The following FRAS1 variants were observed in gnomAD, a reference collection of about 807,000 sequenced individuals.
FRAS1 encodes the protein extracellular matrix organizing protein FRAS1.
FRAS1 carries 290 observed loss-of-function variants against 435.2 expected under a neutral mutation model. The observed-to-expected ratio is 0.67, with a 90% CI of 0.61 to 0.73. FRAS1 has a LOEUF of 0.73. Ranked by LOEUF, FRAS1 falls within the 30% of genes least tolerant of loss-of-function variation. The probability of loss-of-function intolerance (pLI) is 0.00; values close to 1 mark genes in which losing one functional copy is unlikely to be tolerated. For synonymous variants in FRAS1, 1,800 were observed against 1,851.0 expected, an observed-to-expected ratio of 0.97 and a Z score of 0.71; for missense variants, 4,860 against 5,001.5, an observed-to-expected ratio of 0.97 and a Z score of 0.85.
chr4:78,369,917 T>C lies in FRAS1; in HGVS notation c.2802T>C (p.Phe934=). ...SCRDPNKVLL[F]GECQYESCAP... ...GAGATCCAAACAAGGTTCTGCTCTT[T>C]GGGGAATGTCAATACGAGAGCTGCG... The change falls in exon 23 of 74, where the codon TTT becomes TTC. Residue 934 remains phenylalanine (F), a synonymous_variant. Transcript: ENST00000512123. 6.2e-7 allele frequency: 1 copy of C among 1,613,924 alleles called. No individual in the cohort carries two copies. Among genetic ancestry groups the C allele is most frequent in the East Asian group, 2.2e-5 (1 of 44,890 alleles).
At position 78,198,229 on chromosome 4, in the gene FRAS1, TC is replaced by T. The variant is rs1420373503; in HGVS notation, c.109-39275del. On this transcript the variant is annotated intron_variant, in intron 2 of 73. Transcript: ENST00000512123. ...GGCTTACAAGTGTAGGAGGAGTGAG[TC>T]CCCCCTGACAGCCTTCAGTCAGTAA... Among the ~76,000 whole-genome samples the T allele has an allele frequency of 3.3e-5, 5 of 151,826 alleles. No individual in the cohort carries two copies. The East Asian group carries it at 9.7e-4, about 29-fold the overall frequency.
intron 44 of FRAS1, among the ~76,000 whole-genome samples, chr4:78,448,577 T>G (rs1718926296): frequency 6.6e-6 from 1 of 152,168 alleles, no homozygotes; most frequent in Non-Finnish European, 1.5e-5. Context: ...GTTTATAATA[T>G]TTCCAGGGCC....
rs567927592 is a variant in FRAS1 at position 78,320,498 on chromosome 4, G to A, written c.2137+1512G>A. Among the ~76,000 whole-genome samples, 9 of 152,248 alleles carry A rather than the reference G, an allele frequency of 5.9e-5. No homozygotes were observed. The East Asian group carries it at 1.7e-3, about 29-fold the overall frequency. ...ATTGCTTCTCCATTCTCTTCCGTGG[G>A]TTTAGGTTTGCCAGACAAGCTTCCT... On this transcript the variant is annotated intron_variant, in intron 18 of 73. Coordinates refer to ENST00000512123, the MANE Select transcript of FRAS1 (RefSeq NM_025074.7).
Position 78,246,653 on chromosome 4 carries a change from T to C in FRAS1, c.309+1328T>C, listed in dbSNP as rs909367356. The stretch of plus-strand genomic sequence containing the variant: ...GCCAGTTCCGAATGATTATGATAAG[T>C]GCATGGTTCAAGGTGAATGATAAGT... On this transcript the variant is annotated intron_variant, in intron 4 of 73. Coordinates refer to ENST00000512123, the MANE Select transcript of FRAS1 (RefSeq NM_025074.7). 2.0e-5 allele frequency among the ~76,000 whole-genome samples: 3 copies of C among 152,146 alleles called. No individual in the cohort carries two copies. In the East Asian group the frequency reaches 5.8e-4, roughly 29 times the overall value.
intron 2 of FRAS1, among the ~76,000 whole-genome samples, chr4:78,148,171 A>G (rs1448537483): frequency 6.6e-6 from 1 of 152,002 alleles, no homozygotes; most frequent in Non-Finnish European, 1.5e-5. Flanking sequence ...GAAATGACTA[A>G]TTTTTTCATT....
intron 18 of FRAS1, among the ~76,000 whole-genome samples, 194 bp downstream of exon 18, chr4:78,319,180 T>C (rs72866326): frequency 6.6e-6 from 1 of 152,232 alleles, no homozygotes; most frequent in Non-Finnish European, 1.5e-5. Flanking sequence ...GAACCATAGA[T>C]GATCTTAAAG....
chr4:78,203,537 TTCTC>T (rs932591537), intron 2 of FRAS1, among the ~76,000 whole-genome samples: 70 of 152,002 alleles, frequency 4.6e-4, no homozygotes, highest in African/African-American at 1.4e-3. Flanking sequence ...GTTTCAGCTC[TTCTC>T]TCTCTCTCTA....
intron 35 of FRAS1, among the ~76,000 whole-genome samples, chr4:78,427,895 G>A (rs1734055932): frequency 6.6e-6 from 1 of 152,240 alleles, no homozygotes. Flanking sequence ...GATTCTTGCT[G>A]GCTTGTTAGT....
chr4:78,265,377 G>A (rs1726299427), intron 7 of FRAS1, among the ~76,000 whole-genome samples: 1 of 151,904 alleles, frequency 6.6e-6, no homozygotes, highest in Non-Finnish European at 1.5e-5. Context: ...GTCTTGAGGG[G>A]GAAAAAAAGG....
At chr4:78,175,335 C>G (rs1048118252) in intron 2 of FRAS1, among the ~76,000 whole-genome samples, 8 of 152,232 alleles carry the variant, frequency 5.3e-5, no homozygotes, top group African/African-American at 1.9e-4. Context: ...ACTGGAGAGA[C>G]TCCCAGGAGT....
At chr4:78,268,610 G>A (rs1726492829) in intron 9 of FRAS1, among the ~76,000 whole-genome samples, 1 of 152,136 alleles carries the variant, frequency 6.6e-6, no homozygotes, top group African/African-American at 2.4e-5. Flanking sequence ...TAGAATTTAT[G>A]AAAAAATGTG....
chr4:78,461,130 A>G (rs1257810287), intron 47 of FRAS1, among the ~76,000 whole-genome samples: 1 of 152,232 alleles, frequency 6.6e-6, no homozygotes, highest in Non-Finnish European at 1.5e-5. Context: ...TCAGACAAGA[A>G]AGAGGATATA....
chr4:78,176,253 A>T (rs1721773621), intron 2 of FRAS1, among the ~76,000 whole-genome samples: 1 of 152,220 alleles, frequency 6.6e-6, no homozygotes, highest in African/African-American at 2.4e-5. Context: ...GAAGGCTAGA[A>T]TGTCATAGAA....
Position 78,193,733 on chromosome 4 carries a change from A to G in FRAS1, c.109-43777A>G, listed in dbSNP as rs547797239. Among the ~76,000 whole-genome samples, 4 of 152,264 alleles carry G rather than the reference A, an allele frequency of 2.6e-5. No homozygotes were observed. The South Asian group carries it at 8.3e-4, about 32-fold the overall frequency. ...GTCTTGACTCTTTATCCAATTTGCCAGTCTGTGTCTTTTAATTGGAGCATT... is the reference window on the plus strand; with the variant it reads ...GTCTTGACTCTTTATCCAATTTGCCGGTCTGTGTCTTTTAATTGGAGCATT... On this transcript the variant is annotated intron_variant, in intron 2 of 73. Transcript: ENST00000512123.
chr4:78,355,337 C>T (rs1730808199), intron 20 of FRAS1, among the ~76,000 whole-genome samples: 1 of 152,084 alleles, frequency 6.6e-6, no homozygotes, highest in Admixed American at 6.5e-5. Flanking sequence ...TAATCTGAAA[C>T]AGCCAAAGCA....
chr4:78,141,770 G>C (rs1354442698), intron 2 of FRAS1, among the ~76,000 whole-genome samples: 1 of 152,040 alleles, frequency 6.6e-6, no homozygotes, highest in African/African-American at 2.4e-5. Context: ...AAGAAAGTGT[G>C]GTATATATAT....
In FRAS1 at chr4:78,539,217, C is replaced by T. The variant is rs1721975253; in HGVS notation, c.11299-77C>T. On this transcript the variant is annotated intron_variant, in intron 72 of 73. Transcript: ENST00000512123. ...AGCCAGGAGTGATGAGTACTTTTCT[C>T]CTCCCAGTCACTGCCACCTACCAAT... is the stretch of plus-strand genomic sequence containing the variant. 3.5e-6 allele frequency: 5 copies of T among 1,428,802 alleles called. No individual in the cohort carries two copies. In the South Asian group the frequency reaches 5.2e-5, roughly 15 times the overall value. 88.5% of individuals were successfully genotyped at this position (1,428,802 alleles called of 1,614,324 possible). A position where few individuals can be genotyped will look rare whatever the true frequency, so the allele number is the denominator to read the frequency against.
At chr4:78,509,466 A>G (rs28725393) in intron 63 of FRAS1, among the ~76,000 whole-genome samples, 49,292 of 151,948 alleles carry the variant, frequency 0.32, 8,688 homozygotes, top group South Asian at 0.52. Context: ...CAAAGTTTCT[A>G]CCACATTTCT....
intron 3 of FRAS1, among the ~76,000 whole-genome samples, chr4:78,240,729 T>C (rs1051918986): frequency 7.2e-5 from 11 of 152,070 alleles, no homozygotes; most frequent in African/African-American, 2.7e-4. Context: ...AAAGAACTCA[T>C]CCAAAGAGAT....
Sources: gnomAD v4.1 joint callset for allele counts (sites outside exome capture counted in the v4.1 genomes callset) on GRCh38, gnomAD v4.1.1 for gene constraint, MANE v1.5 for transcripts, NCBI Gene and HGNC (gene_info 2026-07-23, HGNC 2026-07-21) for gene names.